The following PTPRD variants were observed in gnomAD, a reference collection of about 807,000 sequenced individuals.
The protein encoded by PTPRD is protein tyrosine phosphatase receptor type D.
Under a neutral mutation model 214.5 loss-of-function variants are expected in PTPRD, and 34 were observed. The observed-to-expected ratio is 0.16, with a 90% CI of 0.12 to 0.21. The LOEUF (loss-of-function observed/expected upper bound fraction) is 0.21, where lower values mean the gene tolerates loss of function less well. Among genes scored for constraint, PTPRD ranks in the 10% least tolerant of loss-of-function variants. The probability of loss-of-function intolerance (pLI) is 1.00; values close to 1 mark genes in which losing one functional copy is unlikely to be tolerated. For missense variants in PTPRD, 2,545 were observed against 2,398.7 expected (o/e 1.06, Z -1.27); for synonymous variants, 1,128 against 845.7 (o/e 1.33, Z -5.79).
chr9:10,087,569 C>T (rs2098365762), intron 3 of PTPRD, among the ~76,000 whole-genome samples: 2 of 151,604 alleles, frequency 1.3e-5, no homozygotes, highest in African/African-American at 2.4e-5. Flanking sequence ...TCTGGTAACA[C>T]TAAGAGACTA....
At chr9:8,372,152 A>T (rs964578246) in intron 39 of PTPRD, among the ~76,000 whole-genome samples, 2 of 152,076 alleles carry the variant, frequency 1.3e-5, no homozygotes, top group Admixed American at 1.3e-4. Context: ...GGATTGCCAT[A>T]GTAGAAAATA....
intron 7 of PTPRD, among the ~76,000 whole-genome samples, chr9:9,726,061 A>G (rs910864851): frequency 1.3e-5 from 2 of 152,202 alleles, no homozygotes; most frequent in African/African-American, 4.8e-5. Flanking sequence ...ATTTAAGTAG[A>G]AAAATAAGAA....
chr9:10,570,156 T>C (rs1164713953), intron 2 of PTPRD, among the ~76,000 whole-genome samples: 2 of 152,184 alleles, frequency 1.3e-5, no homozygotes, highest in East Asian at 3.9e-4. Flanking sequence ...TCTTTCTCCT[T>C]CACAAATCAC....
chr9:8,497,385 T>G lies in PTPRD; in HGVS notation c.2323-117A>C, dbSNP rs949341335. On this transcript the variant is annotated intron_variant, in intron 25 of 45. Coordinates refer to ENST00000381196, the MANE Select transcript of PTPRD (RefSeq NM_002839.4). The stretch of plus-strand genomic sequence containing the variant: ...AAAAAATCAAAAAAATAAAGCAGTG[T>G]GTACAATAAAATTCCAAAGAATGTG... 7.6e-6 allele frequency: 6 copies of G among 789,430 alleles called. No individual in the cohort carries two copies. In the African/African-American group the frequency reaches 9.2e-5, roughly 12 times the overall value. The allele number at this position is 789,430 out of a possible 1,614,324, so 48.9% of individuals were successfully genotyped here.
intron 10 of PTPRD, among the ~76,000 whole-genome samples, chr9:9,063,050 T>C (rs2099710553): frequency 6.6e-6 from 1 of 152,054 alleles, no homozygotes; most frequent in South Asian, 2.1e-4. Context: ...ATGTCTAAGG[T>C]TTTCCTATTG....
chr9:8,833,709 T>TACACACAC (rs1330937417), intron 11 of PTPRD, among the ~76,000 whole-genome samples: 1 of 135,348 alleles, frequency 7.4e-6, no homozygotes, highest in Non-Finnish European at 1.6e-5. Flanking sequence ...TCTATATATA[T>TACACACAC]ATATATACAC....
intron 4 of PTPRD, among the ~76,000 whole-genome samples, chr9:9,958,797 T>C (rs995656921): frequency 6.6e-6 from 1 of 152,152 alleles, no homozygotes; most frequent in African/African-American, 2.4e-5. Context: ...TGATGCTCAA[T>C]ATCATAAAAC....
intron 26 of PTPRD, among the ~76,000 whole-genome samples, chr9:8,493,999 GACACACAGAC>G (rs760171735): frequency 0.062 from 8,763 of 141,816 alleles, 345 homozygotes; most frequent in South Asian, 0.12. Context: ...GACACACACA[GACACACAGAC>G]ACACACACAC....
intron 3 of PTPRD, among the ~76,000 whole-genome samples, chr9:10,313,892 G>C (rs1164645455): frequency 1.3e-5 from 2 of 151,866 alleles, no homozygotes; most frequent in Non-Finnish European, 2.9e-5. Flanking sequence ...GAGGTATAGG[G>C]AAAGAGGTAA....
intron 2 of PTPRD, among the ~76,000 whole-genome samples, chr9:10,609,008 A>G (rs2080234386): frequency 6.6e-6 from 1 of 152,166 alleles, no homozygotes; most frequent in South Asian, 2.1e-4. Flanking sequence ...TGAACTGGGT[A>G]CAAAATTCTA....
intron 10 of PTPRD, among the ~76,000 whole-genome samples, chr9:9,030,039 G>A (rs10759030): frequency 0.11 from 16,650 of 151,778 alleles, 1,177 homozygotes; most frequent in East Asian, 0.32. Flanking sequence ...AAGATAAATT[G>A]ATCAGTCAAG....
intron 4 of PTPRD, among the ~76,000 whole-genome samples, chr9:9,960,123 G>GCAACAAC (rs1350502717): frequency 1.3e-5 from 2 of 150,834 alleles, no homozygotes; most frequent in African/African-American, 4.9e-5. Flanking sequence ...CAGGAAATAT[G>GCAACAAC]CAACAACTTG....
intron 12 of PTPRD, among the ~76,000 whole-genome samples, chr9:8,673,453 G>C (rs375274522): frequency 6.6e-6 from 1 of 151,978 alleles, no homozygotes; most frequent in East Asian, 1.9e-4. Context: ...AATAACAGTA[G>C]TAATAGCATA....
At chr9:10,217,231 T>C (rs985026168) in intron 3 of PTPRD, among the ~76,000 whole-genome samples, 2 of 151,824 alleles carry the variant, frequency 1.3e-5, no homozygotes, top group Non-Finnish European at 2.9e-5. Flanking sequence ...TACTTTGTTA[T>C]TGGCACATCT....
At chr9:8,920,712 TC>T (rs1397927742) in intron 11 of PTPRD, among the ~76,000 whole-genome samples, 7 of 152,256 alleles carry the variant, frequency 4.6e-5, no homozygotes, top group African/African-American at 1.7e-4. Flanking sequence ...ACAAGCTTGT[TC>T]TAAGCATTTA....
At chr9:9,896,327 A>C (rs1007248110) in intron 5 of PTPRD, among the ~76,000 whole-genome samples, 1 of 152,120 alleles carries the variant, frequency 6.6e-6, no homozygotes, top group Admixed American at 6.6e-5. Flanking sequence ...ATTAAGATTC[A>C]GCTAGAATGT....
chr9:8,802,721 G>A (rs1018061902), intron 11 of PTPRD, among the ~76,000 whole-genome samples: 1 of 152,178 alleles, frequency 6.6e-6, no homozygotes, highest in Non-Finnish European at 1.5e-5. Flanking sequence ...TGTGGTCTTG[G>A]GGAAATTGCT....
chr9:10,400,495 T>C lies in PTPRD; in HGVS notation c.-599-59478A>G, dbSNP rs1437348982. On this transcript the variant is annotated intron_variant, in intron 2 of 45. Coordinates refer to ENST00000381196, the MANE Select transcript of PTPRD (RefSeq NM_002839.4). ...CCATAGCTAGCACCAAAAGTAATAA[T>C]GTTACTTTAAAATGCATTCACTGGG... is the stretch of plus-strand genomic sequence containing the variant. 7.9e-5 allele frequency among the ~76,000 whole-genome samples: 12 copies of C among 151,810 alleles called. No individual in the cohort carries two copies. The East Asian group carries it at 2.1e-3, about 27-fold the overall frequency.
chr9:9,211,834 A>T (rs1260142024), intron 9 of PTPRD, among the ~76,000 whole-genome samples: 1 of 151,984 alleles, frequency 6.6e-6, no homozygotes. Flanking sequence ...AAATTAAAGA[A>T]CTTTATTTTC....
Sources: allele counts gnomAD v4.1 joint callset (sites outside exome capture counted in the v4.1 genomes callset), GRCh38; gene constraint gnomAD v4.1.1; transcripts MANE v1.5; gene names NCBI Gene and HGNC (gene_info 2026-07-23, HGNC 2026-07-21).